ARRDC2: variants seen among roughly 807,000 people sequenced by gnomAD.
The protein encoded by ARRDC2 is arrestin domain-containing protein 2.
ARRDC2 carries 39 observed loss-of-function variants against 38.9 expected under a neutral mutation model. That is an observed-to-expected ratio of 1.00 (90% confidence interval 0.78 to 1.31). The LOEUF is 1.31. Ranked by LOEUF, ARRDC2 falls within the 50% of genes most tolerant of loss-of-function variation. ARRDC2 has a pLI of 0.00. For synonymous variants in ARRDC2, 300 were observed against 261.9 expected, an observed-to-expected ratio of 1.15 and a Z score of -1.41; for missense variants, 553 against 588.4, an observed-to-expected ratio of 0.94 and a Z score of 0.62.
rs138687493 is a variant in ARRDC2, at chr19:18,008,349, G to C, written c.39G>C (p.Leu13Phe). ...FDKVKAFSVQ[L>F]DGATAGVEPV... ...AGGTGAAAGCGTTCTCGGTGCAGTTGGACGGCGCGACCGCGGGCGTCGAGC... is the reference window on the plus strand; with the variant it reads ...AGGTGAAAGCGTTCTCGGTGCAGTTCGACGGCGCGACCGCGGGCGTCGAGC... Residue 13 changes from leucine to phenylalanine, a missense_variant, in exon 1 of 8, where the codon TTG (leucine) becomes TTC (phenylalanine). Transcript: ENST00000222250. 1.3e-6 allele frequency: 2 copies of C among 1,597,066 alleles called. No individual in the cohort carries two copies. Among genetic ancestry groups the C allele is most frequent in the Non-Finnish European group, 1.7e-6 (2 of 1,179,110 alleles).
At chr19:18,003,289 C>T (rs960917201), upstream of ARRDC2, among the ~76,000 whole-genome samples, 3 of 152,056 alleles carry the variant, frequency 2.0e-5, no homozygotes, top group African/African-American at 7.2e-5. Context: ...GTTTTTGAGA[C>T]AGGGTCTTAC....
Position 18,009,966 on chromosome 19 carries a change from G to T in ARRDC2, c.776G>T (p.Arg259Leu). The T allele has an allele frequency of 1.2e-6, 2 of 1,603,570 alleles. No individual in the cohort carries two copies. The highest frequency in any genetic ancestry group is 8.5e-7 in the Non-Finnish European group (1 of 1,179,580). Residue 259 changes from arginine to leucine, a missense_variant, in exon 5 of 8, where the codon CGG (arginine) becomes CTG (leucine). Physicochemically the swap from Arg to Leu is moderately radical, Grantham distance 102 (BLOSUM62 -2). Transcript: ENST00000222250. ...GPGQRALWQG[R>L]ALRIPPVGPS... ...GGGCAGCGGGCGCTGTGGCAGGGCC[G>T]GGCACTGCGGATCCCCCCAGTGGGT...
Position 18,008,960 on chromosome 19 carries a change from C to T in ARRDC2, c.342-11C>T. 1 of 1,613,030 alleles carries T rather than the reference C, an allele frequency of 6.2e-7. No homozygotes were observed. Among genetic ancestry groups the T allele is most frequent in the Non-Finnish European group, 8.5e-7 (1 of 1,179,534 alleles). On this transcript the variant is annotated splice_polypyrimidine_tract_variant and intron_variant, in intron 2 of 7. Transcript: ENST00000222250. ...TATCTTGTCCCCTGAAGTCCCGTCC[C>T]TCCACCCTAGGACCCTGGTGACATC...
At position 18,010,364 on chromosome 19, in the gene ARRDC2, C is replaced by A; in HGVS notation, c.1012+6C>A. On this transcript the variant is annotated splice_donor_region_variant and intron_variant, in intron 6 of 7. Transcript: ENST00000222250. ...CTTGCCGGAGCGGCCTGAGGGTAAG[C>A]TCCCACCCTGCTTGCATGCAGAGGG... The A allele has an allele frequency of 6.2e-7, 1 of 1,605,662 alleles. No individual in the cohort carries two copies. Among genetic ancestry groups the A allele is most frequent in the Non-Finnish European group, 8.5e-7 (1 of 1,178,374 alleles).
At position 18,008,388 on chromosome 19, in the gene ARRDC2, C is replaced by T. The variant is rs776694565; in HGVS notation, c.78C>T (p.Gly26=). ...CGGGCGTCGAGCCCGTGTTTAGCGG[C>T]GGCCAGGCCGTGGCGGGCCGGGTGC... is the stretch of plus-strand genomic sequence containing the variant. ...ATAGVEPVFS[G]GQAVAGRVLL... is the part of the protein sequence containing the mutation. The change falls in exon 1 of 8, where the codon GGC becomes GGT. Residue 26 remains glycine, a synonymous_variant. Transcript: ENST00000222250. 17 of 1,595,204 alleles carry T rather than the reference C, an allele frequency of 1.1e-5. No homozygotes were observed. Among genetic ancestry groups the T allele is most frequent in the Non-Finnish European group, 1.4e-5 (17 of 1,178,342 alleles).
rs1173485198 is a variant in ARRDC2, at chr19:18,008,785, C to T, written c.341+8C>T. 1.2e-6 allele frequency: 2 copies of T among 1,613,090 alleles called. No individual in the cohort carries two copies. The highest frequency in any genetic ancestry group is 1.7e-5 in the Admixed American group (1 of 59,996). On this transcript the variant is annotated splice_region_variant and intron_variant, in intron 2 of 7. Coordinates refer to ENST00000222250, the MANE Select transcript of ARRDC2 (RefSeq NM_015683.2). The stretch of plus-strand genomic sequence containing the variant: ...CAGCTTCCAGCTGCCCCCGTAAGTC[C>T]TCTGGGGTGCAGGGTTGCCCTAAGC...
Position 18,013,077 on chromosome 19 carries a change from G to A in ARRDC2, c.*111G>A. On this transcript the variant is annotated 3_prime_UTR_variant, in exon 8 of 8. Transcript: ENST00000222250. ...CCTCCCCGACTGCATCAAAGTTGGG[G>A]AACCAAGTCTCAGAGTGAGGCGGGG... is the stretch of plus-strand genomic sequence containing the variant. 2 of 1,199,596 alleles carry A rather than the reference G, an allele frequency of 1.7e-6. No homozygotes were observed. The highest frequency in any genetic ancestry group is 2.4e-6 in the Non-Finnish European group (2 of 840,660). 74.3% of individuals were successfully genotyped at this position (1,199,596 alleles called of 1,614,324 possible). A position where few individuals can be genotyped will look rare whatever the true frequency, so the allele number is the denominator to read the frequency against.
Position 18,001,429 on chromosome 19 carries a change from CT to C in ARRDC2, c.116del (p.Leu39ArgfsTer8). 3.2e-6 allele frequency: 4 copies of C among 1,236,836 alleles called. No individual in the cohort carries two copies. Among genetic ancestry groups the C allele is most frequent in the Non-Finnish European group, 4.0e-6 (4 of 989,568 alleles). The allele number at this position is 1,236,836 out of a possible 1,614,324, so 76.6% of individuals were successfully genotyped here. A position where few individuals can be genotyped will look rare whatever the true frequency, so the allele number is the denominator to read the frequency against. On this transcript the variant is annotated frameshift_variant, in exon 1 of 8. Coordinates refer to the ARRDC2 transcript ENST00000379656. LOFTEE classifies it high-confidence loss of function. The stretch of plus-strand genomic sequence containing the variant: ...GGTGCTGCTGGAGGCGGCGGCGCCG[CT>C]GCGGGTGCGAGCGCTCGAGGTGAAG...
intron 1 of ARRDC2, among the ~76,000 whole-genome samples, chr19:18,002,699 G>C (rs2145994872): frequency 6.6e-6 from 1 of 152,306 alleles, no homozygotes; most frequent in African/African-American, 2.4e-5. Context: ...CGGTGGGGCA[G>C]GGCAGGAAGG....
At chr19:18,001,190 C>A in exon 1 of ARRDC2, 3 of 1,041,170 alleles carry the variant, frequency 2.9e-6, no homozygotes, top group Non-Finnish European at 3.5e-6. Context: ...CCAAGTTCGC[C>A]GGGGGGGCCC....
chr19:18,009,163 A>C, intron 3 of ARRDC2, 45 bp downstream of exon 3: 1 of 1,602,656 alleles, frequency 6.2e-7, no homozygotes, highest in South Asian at 1.1e-5. Context: ...TATTGTAGGA[A>C]GGGGCCTGCC....
upstream of ARRDC2, among the ~76,000 whole-genome samples, chr19:18,004,329 C>A (rs956690756): frequency 4.7e-5 from 7 of 148,076 alleles, no homozygotes; most frequent in African/African-American, 1.5e-4. Flanking sequence ...CTCACTGCAA[C>A]CTCCACCTCC....
Position 18,008,494 on chromosome 19 carries a change from T to TC in ARRDC2, c.185dup (p.Arg63AlafsTer15), listed in dbSNP as rs1219917475. 1.3e-6 allele frequency: 2 copies of TC among 1,528,472 alleles called. No homozygotes were observed. The highest frequency in any genetic ancestry group is 1.7e-6 in the Non-Finnish European group (2 of 1,144,680). The allele number at this position is 1,528,472 out of a possible 1,614,324, so 94.7% of individuals were successfully genotyped here. ...CCGCGCCCACGTGCACTGGACCGAG[T>TC]CGCGCAGCGCGGGCTCGAGCACGGC... On this transcript the variant is annotated frameshift_variant, in exon 1 of 8. Coordinates refer to ENST00000222250, the MANE Select transcript of ARRDC2 (RefSeq NM_015683.2). LOFTEE classifies it high-confidence loss of function.
Position 18,013,016 on chromosome 19 carries a change from AC to A in ARRDC2, c.*52del. 6.3e-7 allele frequency: 1 copy of A among 1,596,832 alleles called. No homozygotes were observed. Among genetic ancestry groups the A allele is most frequent in the Non-Finnish European group, 8.6e-7 (1 of 1,166,696 alleles). On this transcript the variant is annotated 3_prime_UTR_variant, in exon 8 of 8. Coordinates refer to ENST00000222250, the MANE Select transcript of ARRDC2 (RefSeq NM_015683.2). Reference sequence around the variant, plus strand: ...CAAGGTTGCACACCAGCTTTCAGCCACCATGACTGTGGGGAGTGGCTGGACC... The same window carrying A: ...CAAGGTTGCACACCAGCTTTCAGCCACATGACTGTGGGGAGTGGCTGGACC...
upstream of ARRDC2, among the ~76,000 whole-genome samples, chr19:18,006,071 C>T (rs1196798408): frequency 1.3e-5 from 2 of 151,618 alleles, no homozygotes; most frequent in Non-Finnish European, 2.9e-5. Flanking sequence ...GATGGGATGG[C>T]GGCCGGGAAG....
At chr19:18,008,138 C>T (rs1023739194), upstream of ARRDC2, 6 of 1,339,176 alleles carry the variant, frequency 4.5e-6, no homozygotes, top group African/African-American at 1.6e-5. Flanking sequence ...CCCGCCCTGC[C>T]GTATAAAAGC....
At chr19:18,012,577 ACT>A (rs896212101) in intron 7 of ARRDC2, among the ~76,000 whole-genome samples, 2 of 152,166 alleles carry the variant, frequency 1.3e-5, no homozygotes, top group South Asian at 2.1e-4. Flanking sequence ...ACAAAGCGAG[ACT>A]CTGTCTCGAA....
rs764961562 is a variant in ARRDC2 at position 18,009,637 on chromosome 19, T to C, written c.535T>C (p.Cys179Arg). 3.1e-6 allele frequency: 5 copies of C among 1,611,042 alleles called. No individual in the cohort carries two copies. In the South Asian group the frequency reaches 4.4e-5, roughly 14 times the overall value. Residue 179 changes from cysteine to arginine, a missense_variant, in exon 4 of 8, where the codon TGT becomes CGT. Cys to Arg is a radical substitution (Grantham distance 180). This residue lies in a region of ARRDC2 where 447 missense variants were observed against 456.6 expected (regional missense o/e 0.98). Coordinates refer to ENST00000222250, the MANE Select transcript of ARRDC2 (RefSeq NM_015683.2). Reference sequence around the variant, plus strand: ...GGAAAAGGTTGCCCGATCCTGGTACTGTAACCGTGGCCTAGTCTCCCTTTC... The same window carrying C: ...GGAAAAGGTTGCCCGATCCTGGTACCGTAACCGTGGCCTAGTCTCCCTTTC... ...AREKVARSWY[C>R]NRGLVSLSAK...
chr19:18,005,723 C>A (rs961908838), upstream of ARRDC2, among the ~76,000 whole-genome samples: 2 of 151,514 alleles, frequency 1.3e-5, no homozygotes, highest in Admixed American at 6.6e-5. Flanking sequence ...GGGGGGCTGA[C>A]CCCCCGCCTC....
Sources: gnomAD v4.1 joint callset for allele counts (sites outside exome capture counted in the v4.1 genomes callset) on GRCh38, gnomAD v4.1.1 for gene constraint, gnomAD v4.1.1 regional missense constraint, MANE v1.5 for transcripts, NCBI Gene and HGNC (gene_info 2026-07-23, HGNC 2026-07-21) for gene names.